The following IQGAP1 variants were observed in gnomAD, a reference collection of about 807,000 sequenced individuals.
IQGAP1 encodes the protein IQ motif containing GTPase activating protein 1, also known as ras GTPase-activating-like protein IQGAP1.
In IQGAP1, 66 loss-of-function variants were observed where a neutral mutation model predicts 215.6. The observed-to-expected ratio is 0.31, with a 90% confidence interval of 0.25 to 0.38. The LOEUF is 0.38. Among genes scored for constraint, IQGAP1 ranks in the 10% least tolerant of loss-of-function variants. IQGAP1 has a pLI of 1.00. For synonymous variants in IQGAP1, 772 were observed against 728.7 expected, an observed-to-expected ratio of 1.06 and a Z score of -0.96; for missense variants, 1,712 against 1,997.1, an observed-to-expected ratio of 0.86 and a Z score of 2.72.
intron 32 of IQGAP1, 152 bp from the exon 33 acceptor site, chr15:90,487,343 A>G: frequency 1.5e-6 from 1 of 665,966 alleles, no homozygotes; most frequent in Non-Finnish European, 2.7e-6. Context: ...CTGGGTAAAT[A>G]AGCCTTGTGC....
chr15:90,483,500 T>A lies in IQGAP1; in HGVS notation c.3695T>A (p.Leu1232His). ...AATCTGGGCTCCATTGCAAAAATGC[T>A]TCAGCATGCTGCTTCCAATAAGATG... The part of the protein sequence containing the change: ...RRNLGSIAKM[L>H]QHAASNKMFL... Residue 1232 changes from leucine to histidine, a missense_variant, in exon 29 of 38, where the codon CTT becomes CAT. Physicochemically the swap from Leu to His is moderately conservative, Grantham distance 99. Transcript: ENST00000268182. The A allele has an allele frequency of 6.2e-7, 1 of 1,614,218 alleles. No individual in the cohort carries two copies. The highest frequency in any genetic ancestry group is 8.5e-7 in the Non-Finnish European group (1 of 1,180,046).
intron 34 of IQGAP1, among the ~76,000 whole-genome samples, chr15:90,491,925 T>C (rs147089511): frequency 2.4e-4 from 36 of 152,348 alleles, no homozygotes; most frequent in African/African-American, 8.4e-4. Flanking sequence ...AGTTTAGGTG[T>C]TCTGTGCTGT....
chr15:90,416,010 T>C (rs1466783883), intron 2 of IQGAP1, among the ~76,000 whole-genome samples: 1 of 152,200 alleles, frequency 6.6e-6, no homozygotes, highest in Non-Finnish European at 1.5e-5. Flanking sequence ...CTGTTCCTTT[T>C]TTGTTTTTTA....
intron 13 of IQGAP1, among the ~76,000 whole-genome samples, chr15:90,453,962 C>G (rs1596274436): frequency 6.6e-6 from 1 of 152,330 alleles, no homozygotes; most frequent in African/African-American, 2.4e-5. Context: ...ACTTATACTT[C>G]CATTGCGTAT....
intron 2 of IQGAP1, among the ~76,000 whole-genome samples, chr15:90,415,363 C>T (rs1965030563): frequency 2.0e-5 from 3 of 151,646 alleles, no homozygotes; most frequent in South Asian, 4.2e-4. Flanking sequence ...ATTTTTTTTC[C>T]TCCAGTAACC....
intron 15 of IQGAP1, among the ~76,000 whole-genome samples, chr15:90,465,172 C>T (rs889687969): frequency 6.6e-6 from 1 of 152,212 alleles, no homozygotes; most frequent in Non-Finnish European, 1.5e-5. Context: ...AGGATATCAG[C>T]TAGTGAGAAA....
At chr15:90,443,533 G>A in intron 9 of IQGAP1, 55 bp downstream of exon 9, 1 of 1,036,746 alleles carries the variant, frequency 9.6e-7, no homozygotes, top group South Asian at 1.4e-5. Context: ...TAATGTGAAT[G>A]TTGATCTATT....
At chr15:90,437,648 C>G (rs548629984) in intron 5 of IQGAP1, among the ~76,000 whole-genome samples, 1 of 152,156 alleles carries the variant, frequency 6.6e-6, no homozygotes, top group South Asian at 2.1e-4. Context: ...AAGCTATCCT[C>G]CTGCCTTAGC....
intron 1 of IQGAP1, among the ~76,000 whole-genome samples, chr15:90,390,171 T>C (rs1015609309): frequency 6.6e-6 from 1 of 152,124 alleles, no homozygotes; most frequent in African/African-American, 2.4e-5. Context: ...GAGTTAGGAA[T>C]TTATTCCACA....
chr15:90,388,533 G>A lies in IQGAP1; in HGVS notation c.55+137G>A, dbSNP rs1244795510. 4.0e-6 allele frequency: 3 copies of A among 746,638 alleles called. No homozygotes were observed. In the East Asian group the frequency reaches 1.0e-4, roughly 26 times the overall value. 46.3% of individuals were successfully genotyped at this position (746,638 alleles called of 1,614,324 possible). A position where few individuals can be genotyped will look rare whatever the true frequency, so the allele number is the denominator to read the frequency against. On this transcript the variant is annotated intron_variant, in intron 1 of 37. Transcript: ENST00000268182. ...TCGGACCCGGAAGAGCCGTCCCGGTGGGGCGGCGGGCGGCGGGCGGGGAGG... is the reference window on the plus strand; with the variant it reads ...TCGGACCCGGAAGAGCCGTCCCGGTAGGGCGGCGGGCGGCGGGCGGGGAGG...
At chr15:90,403,740 C>A (rs183334499) in intron 2 of IQGAP1, among the ~76,000 whole-genome samples, 1 of 151,830 alleles carries the variant, frequency 6.6e-6, no homozygotes, top group East Asian at 1.9e-4. Flanking sequence ...GTGGTGTGAT[C>A]TCGGCTCATT....
intron 2 of IQGAP1, among the ~76,000 whole-genome samples, chr15:90,404,504 A>T (rs2151004451): frequency 6.6e-6 from 1 of 152,162 alleles, no homozygotes; most frequent in South Asian, 2.1e-4. Context: ...TGGATTATTC[A>T]TCTTTTTCTT....
chr15:90,453,366 A>T, intron 13 of IQGAP1, 74 bp downstream of exon 13: 1 of 1,168,852 alleles, frequency 8.6e-7, no homozygotes, highest in Non-Finnish European at 1.2e-6. Context: ...CAGTGCTCCG[A>T]TTTTCTTTGC....
At chr15:90,470,153 T>C (rs114920427) in intron 18 of IQGAP1, among the ~76,000 whole-genome samples, 2,202 of 152,280 alleles carry the variant, frequency 0.014, 43 homozygotes, top group African/African-American at 0.05. Flanking sequence ...CTCTTACCTC[T>C]CCTGCCAACA....
Position 90,437,106 on chromosome 15 carries a change from C to G in IQGAP1, c.468-2226C>G, listed in dbSNP as rs536659100. Among the ~76,000 whole-genome samples the G allele has an allele frequency of 3.7e-4, 56 of 152,284 alleles. 1 individual carries two copies. The highest frequency in any genetic ancestry group is 1.3e-3 in the African/African-American group (53 of 41,548). On this transcript the variant is annotated intron_variant, in intron 5 of 37. Coordinates refer to ENST00000268182, the MANE Select transcript of IQGAP1 (RefSeq NM_003870.4). ...TGGGGAGACCTCCTCAGGAAACTTA[C>G]AATCATGGTAGAAGACAAAGAGGAA...
chr15:90,394,243 C>T (rs1319382631), intron 2 of IQGAP1, among the ~76,000 whole-genome samples: 1 of 150,010 alleles, frequency 6.7e-6, no homozygotes, highest in Admixed American at 6.6e-5. Flanking sequence ...CCCTAGCACA[C>T]CCTGCCCATT....
At chr15:90,492,488 T>C in intron 34 of IQGAP1, 57 bp from the exon 35 acceptor site, 5 of 1,348,338 alleles carry the variant, frequency 3.7e-6, no homozygotes, top group Non-Finnish European at 5.1e-6. Flanking sequence ...TGGGTTGTAG[T>C]GTGAAATGAT....
intron 33 of IQGAP1, among the ~76,000 whole-genome samples, chr15:90,490,416 G>A (rs1393425443): frequency 6.6e-6 from 1 of 152,226 alleles, no homozygotes; most frequent in Non-Finnish European, 1.5e-5. Context: ...AACAGTGAGT[G>A]TAGATCATAT....
intron 18 of IQGAP1, among the ~76,000 whole-genome samples, chr15:90,471,611 T>C (rs1965906255): frequency 6.6e-6 from 1 of 152,014 alleles, no homozygotes; most frequent in Non-Finnish European, 1.5e-5. Flanking sequence ...GCGATTCTCC[T>C]GCCTCAGCCT....
Sources: allele counts gnomAD v4.1 joint callset (sites outside exome capture counted in the v4.1 genomes callset), GRCh38; gene constraint gnomAD v4.1.1; transcripts MANE v1.5; gene names NCBI Gene and HGNC (gene_info 2026-07-23, HGNC 2026-07-21).